Variants in PDE4D observed in about 807,000 individuals in gnomAD.
PDE4D encodes phosphodiesterase 4D.
A neutral mutation model predicts 87.4 loss-of-function variants in PDE4D; 24 were observed. The ratio of observed to expected loss-of-function variants is 0.27; its 90% CI spans 0.20 to 0.39. PDE4D has a LOEUF of 0.39. PDE4D is among the 10% of genes least tolerant of loss of function. The pLI, the probability that PDE4D is intolerant of heterozygous loss-of-function variation, is 1.00. For synonymous variants in PDE4D, 384 were observed against 383.2 expected (o/e 1.00, Z -0.02); for missense variants, 714 against 1,041.0 (o/e 0.69, Z 4.32).
At chr5:60,501,264 T>C (rs2150246105) in intron 1 of PDE4D, among the ~76,000 whole-genome samples, 1 of 152,236 alleles carries the variant, frequency 6.6e-6, no homozygotes, top group South Asian at 2.1e-4. Context: ...GGTTTTTTGT[T>C]CTTGCGATAG....
In PDE4D at chr5:58,999,770, G is replaced by A. The variant is rs539301567; in HGVS notation, c.922-6305C>T. 5 of 1,026,670 alleles carry A rather than the reference G, an allele frequency of 4.9e-6. No individual in the cohort carries two copies. The South Asian group carries it at 1.8e-4, about 38-fold the overall frequency. 63.6% of individuals were successfully genotyped at this position (1,026,670 alleles called of 1,614,324 possible). A position where few individuals can be genotyped will look rare whatever the true frequency, so the allele number is the denominator to read the frequency against. ...AGACTCCAGAATGGCACAAAATTCA[G>A]CAACTATTCTGAATAAAGAAAATCC... On this transcript the variant is annotated intron_variant, in intron 6 of 14. Coordinates refer to ENST00000340635, the MANE Select transcript of PDE4D (RefSeq NM_001104631.2).
intron 2 of PDE4D, among the ~76,000 whole-genome samples, chr5:60,150,488 T>C (rs1781411394): frequency 6.6e-6 from 1 of 152,110 alleles, no homozygotes; most frequent in Non-Finnish European, 1.5e-5. Context: ...AGAGCTGCTA[T>C]GCAACAAGAT....
At chr5:59,469,096 G>A (rs1381590279) in intron 1 of PDE4D, among the ~76,000 whole-genome samples, 1 of 152,176 alleles carries the variant, frequency 6.6e-6, no homozygotes, top group Non-Finnish European at 1.5e-5. Flanking sequence ...GGGAGGCAGA[G>A]GTGGGTGGAT....
intron 1 of PDE4D, among the ~76,000 whole-genome samples, chr5:60,432,961 T>C (rs1744473332): frequency 6.6e-6 from 1 of 152,156 alleles, no homozygotes; most frequent in African/African-American, 2.4e-5. Context: ...ATGTAAAATG[T>C]AAAATTATAA....
intron 2 of PDE4D, among the ~76,000 whole-genome samples, chr5:60,001,464 T>C (rs1764006232): frequency 6.6e-6 from 1 of 152,210 alleles, no homozygotes; most frequent in Non-Finnish European, 1.5e-5. Flanking sequence ...AGGATGTTCA[T>C]TACCACAAGA....
chr5:59,008,869 T>C (rs1752203233), intron 6 of PDE4D, among the ~76,000 whole-genome samples: 1 of 152,096 alleles, frequency 6.6e-6, no homozygotes, highest in South Asian at 2.1e-4. Context: ...AAAAAATCTT[T>C]ACAACACAAT....
chr5:60,361,080 T>C (rs976707050), intron 1 of PDE4D, among the ~76,000 whole-genome samples: 1 of 152,202 alleles, frequency 6.6e-6, no homozygotes, highest in Non-Finnish European at 1.5e-5. Flanking sequence ...CTTCTCTGCA[T>C]GCATTGAGAT....
intron 1 of PDE4D, among the ~76,000 whole-genome samples, chr5:59,239,115 A>AT (rs1757112257): frequency 6.6e-6 from 1 of 152,318 alleles, no homozygotes; most frequent in East Asian, 1.9e-4. Flanking sequence ...CAGGCAAATG[A>AT]TTTTGAAGGC....
intron 1 of PDE4D, among the ~76,000 whole-genome samples, chr5:59,812,692 A>C (rs1453926303): frequency 6.6e-6 from 1 of 152,170 alleles, no homozygotes; most frequent in East Asian, 1.9e-4. Context: ...AAAGTAAATA[A>C]ATAAAAAAGT....
chr5:59,607,149 T>C (rs1432689949), intron 1 of PDE4D, among the ~76,000 whole-genome samples: 2 of 152,170 alleles, frequency 1.3e-5, no homozygotes, highest in African/African-American at 4.8e-5. Context: ...ACCCTATTGA[T>C]GACTTCCTAA....
At chr5:59,095,985 C>T (rs1353066114) in intron 5 of PDE4D, among the ~76,000 whole-genome samples, 1 of 152,006 alleles carries the variant, frequency 6.6e-6, no homozygotes, top group Non-Finnish European at 1.5e-5. Flanking sequence ...TAACTGTGTA[C>T]CATGTACAAA....
intron 1 of PDE4D, among the ~76,000 whole-genome samples, chr5:59,878,807 C>T (rs1283215996): frequency 4.0e-5 from 6 of 151,128 alleles, no homozygotes; most frequent in African/African-American, 1.5e-4. Context: ...ATTTATTTCT[C>T]ATCTGGTTTA....
At chr5:59,847,291 C>T (rs1744003793) in intron 1 of PDE4D, among the ~76,000 whole-genome samples, 1 of 152,048 alleles carries the variant, frequency 6.6e-6, no homozygotes, top group Non-Finnish European at 1.5e-5. Context: ...CACCTAATCA[C>T]CCATGAACCT....
intron 1 of PDE4D, among the ~76,000 whole-genome samples, chr5:59,501,794 G>T (rs115916721): frequency 0.028 from 4,261 of 152,264 alleles, 91 homozygotes; most frequent in Non-Finnish European, 0.04. Flanking sequence ...AGAGAACAGG[G>T]AAGCGATGTG....
At chr5:59,358,516 A>C (rs756063889) in intron 1 of PDE4D, among the ~76,000 whole-genome samples, 1 of 152,168 alleles carries the variant, frequency 6.6e-6, no homozygotes, top group Non-Finnish European at 1.5e-5. Context: ...AAATGCCACC[A>C]TTATCATTTA....
At chr5:59,493,202 G>GA (rs1378694747) in intron 1 of PDE4D, among the ~76,000 whole-genome samples, 32 of 152,104 alleles carry the variant, frequency 2.1e-4, no homozygotes, top group South Asian at 1.5e-3. Context: ...TGGGGACCCA[G>GA]AAAAAAGACT....
chr5:59,302,172 G>A (rs927728135), intron 1 of PDE4D, among the ~76,000 whole-genome samples: 69 of 152,126 alleles, frequency 4.5e-4, no homozygotes, highest in Admixed American at 1.3e-4. Flanking sequence ...ATATTAGCAA[G>A]TTACTGCGCA....
intron 1 of PDE4D, among the ~76,000 whole-genome samples, chr5:59,573,440 C>T (rs1561237431): frequency 1.3e-5 from 2 of 152,220 alleles, no homozygotes; most frequent in African/African-American, 2.4e-5. Context: ...CTCCCCAATA[C>T]CCCTCACCCA....
chr5:59,169,188 T>G (rs977868472), intron 5 of PDE4D, among the ~76,000 whole-genome samples: 32 of 152,134 alleles, frequency 2.1e-4, no homozygotes, highest in African/African-American at 7.7e-4. Flanking sequence ...TCAAAGGAAT[T>G]TTCAACATTT....
Sources: gnomAD v4.1 joint callset for allele counts (sites outside exome capture counted in the v4.1 genomes callset) on GRCh38, gnomAD v4.1.1 for gene constraint, MANE v1.5 for transcripts, NCBI Gene and HGNC (gene_info 2026-07-23, HGNC 2026-07-21) for gene names.